Variants in CTDSPL observed in about 807,000 individuals in gnomAD.
The protein encoded by CTDSPL is CTD small phosphatase like.
In CTDSPL, 8 loss-of-function variants were observed where a neutral mutation model predicts 30.5. The ratio of observed to expected loss-of-function variants is 0.26; its 90% CI spans 0.15 to 0.47. The LOEUF is 0.47. CTDSPL is among the 20% of genes least tolerant of loss of function. The pLI is 0.99. For missense variants in CTDSPL, 248 were observed against 366.1 expected (o/e 0.68, Z 2.63); for synonymous variants, 110 against 137.9 (o/e 0.80, Z 1.42).
Position 37,957,151 on chromosome 3 carries a change from T to C in CTDSPL, c.267+8T>C, listed in dbSNP as rs1699184219. ...GTCATTCCCATACCAAGTGTATGTA[T>C]ATTTATCTAATTTTATTTATTAAAA... On this transcript the variant is annotated splice_region_variant and intron_variant, in intron 3 of 7. Coordinates refer to ENST00000273179, the MANE Select transcript of CTDSPL (RefSeq NM_001008392.2). 1.9e-6 allele frequency: 3 copies of C among 1,564,718 alleles called. No homozygotes were observed. The highest frequency in any genetic ancestry group is 2.3e-5 in the East Asian group (1 of 44,426).
chr3:37,900,026 A>C (rs76380664), intron 1 of CTDSPL, among the ~76,000 whole-genome samples: 1,841 of 152,314 alleles, frequency 0.012, 41 homozygotes, highest in African/African-American at 0.041. Context: ...TGAGACTCTG[A>C]GAGGTTAAAC....
At chr3:37,869,317 A>G (rs1160399220) in intron 1 of CTDSPL, among the ~76,000 whole-genome samples, 1 of 152,128 alleles carries the variant, frequency 6.6e-6, no homozygotes, top group Non-Finnish European at 1.5e-5. Context: ...ATTTAAAACT[A>G]TATAGTATTG....
Position 37,881,524 on chromosome 3 carries a change from G to A in CTDSPL, c.79+19246G>A, listed in dbSNP as rs377612471. 2.0e-4 allele frequency among the ~76,000 whole-genome samples: 30 copies of A among 152,140 alleles called. 1 individual carries two copies. In the South Asian group the frequency reaches 2.1e-3, roughly 11 times the overall value. ...AGCCTGGATGACAGTGCGAGACTCC[G>A]TCTCAAAAAAATAAAAATAAAAATC... On this transcript the variant is annotated intron_variant, in intron 1 of 7. Coordinates refer to ENST00000273179, the MANE Select transcript of CTDSPL (RefSeq NM_001008392.2).
chr3:37,973,264 C>T (rs1699387175), intron 6 of CTDSPL, among the ~76,000 whole-genome samples: 2 of 152,200 alleles, frequency 1.3e-5, no homozygotes, highest in South Asian at 4.1e-4. Flanking sequence ...TCCAACAGTG[C>T]TCTGGGATGC....
At chr3:37,934,378 G>A (rs539482591) in intron 1 of CTDSPL, among the ~76,000 whole-genome samples, 1 of 151,932 alleles carries the variant, frequency 6.6e-6, no homozygotes, top group South Asian at 2.1e-4. Flanking sequence ...GATATCTCAT[G>A]ATATGTGAAA....
At chr3:37,874,708 G>T (rs996882537) in intron 1 of CTDSPL, among the ~76,000 whole-genome samples, 3 of 151,994 alleles carry the variant, frequency 2.0e-5, no homozygotes, top group African/African-American at 7.2e-5. Context: ...CTAGCCTGGC[G>T]ACAGAGCGAG....
intron 1 of CTDSPL, among the ~76,000 whole-genome samples, chr3:37,880,103 G>A (rs1389564845): frequency 6.7e-6 from 1 of 148,332 alleles, no homozygotes; most frequent in Non-Finnish European, 1.5e-5. Flanking sequence ...TGACTACAGT[G>A]TACCAAGTAA....
At chr3:37,937,038 A>G (rs1402499794) in intron 1 of CTDSPL, among the ~76,000 whole-genome samples, 1 of 143,116 alleles carries the variant, frequency 7.0e-6, no homozygotes, top group Non-Finnish European at 1.6e-5. Flanking sequence ...TAGTTAAAGC[A>G]GCAAAAGCAG....
chr3:37,947,940 A>G (rs1246182031), intron 2 of CTDSPL, among the ~76,000 whole-genome samples: 2 of 152,276 alleles, frequency 1.3e-5, no homozygotes, highest in Non-Finnish European at 2.9e-5. Context: ...ACCAAAATCT[A>G]CCCACATGCT....
chr3:37,977,208 C>CA (rs1383234432), intron 7 of CTDSPL, among the ~76,000 whole-genome samples: 6 of 152,180 alleles, frequency 3.9e-5, no homozygotes, highest in Non-Finnish European at 1.5e-5. Flanking sequence ...AATCACAAGT[C>CA]ACGGTCAGAT....
intron 1 of CTDSPL, among the ~76,000 whole-genome samples, chr3:37,885,769 G>A (rs1177548371): frequency 6.6e-6 from 1 of 151,610 alleles, no homozygotes; most frequent in African/African-American, 2.4e-5. Context: ...AGGTTCTGAA[G>A]AGAGACAGAC....
chr3:37,924,172 A>G (rs1308412238), intron 1 of CTDSPL, among the ~76,000 whole-genome samples: 2 of 152,248 alleles, frequency 1.3e-5, no homozygotes. Flanking sequence ...GTTTATGATG[A>G]TTCAAACTAA....
At chr3:37,971,042 A>G (rs1481793622) in intron 5 of CTDSPL, among the ~76,000 whole-genome samples, 1 of 152,238 alleles carries the variant, frequency 6.6e-6, no homozygotes, top group Non-Finnish European at 1.5e-5. Flanking sequence ...GTGCCCACAC[A>G]GGTCCTGACC....
intron 5 of CTDSPL, chr3:37,968,495 T>G (rs1282319887): frequency 4.1e-6 from 1 of 245,000 alleles, no homozygotes; most frequent in African/African-American, 2.3e-5. Context: ...CGGAAATAAC[T>G]TCATTTATGA....
At chr3:37,971,349 C>A in intron 5 of CTDSPL, 58 bp from the exon 6 acceptor site, 2 of 1,517,560 alleles carry the variant, frequency 1.3e-6, no homozygotes, top group Admixed American at 3.6e-5. Flanking sequence ...CATTTGGGCC[C>A]CAGGCCATCC....
At chr3:37,928,845 A>C (rs1219867135) in intron 1 of CTDSPL, among the ~76,000 whole-genome samples, 1 of 152,192 alleles carries the variant, frequency 6.6e-6, no homozygotes, top group Non-Finnish European at 1.5e-5. Context: ...TATCCAAGAA[A>C]TCATTGCTAA....
intron 2 of CTDSPL, among the ~76,000 whole-genome samples, chr3:37,953,254 C>A (rs9825650): frequency 0.024 from 3,640 of 152,260 alleles, 142 homozygotes; most frequent in African/African-American, 0.082. Context: ...GACAGTATAA[C>A]CATCTTATCC....
At chr3:37,955,887 G>A (rs1222113933) in intron 2 of CTDSPL, among the ~76,000 whole-genome samples, 1 of 152,068 alleles carries the variant, frequency 6.6e-6, no homozygotes, top group Non-Finnish European at 1.5e-5. Flanking sequence ...ATGTCTGTAG[G>A]GGCAGTGACC....
At chr3:37,884,809 T>C (rs898234034) in intron 1 of CTDSPL, among the ~76,000 whole-genome samples, 2 of 151,478 alleles carry the variant, frequency 1.3e-5, no homozygotes, top group Non-Finnish European at 2.9e-5. Context: ...AGAGTGTTCA[T>C]AAGCCACGGC....
Sources: allele counts gnomAD v4.1 joint callset (sites outside exome capture counted in the v4.1 genomes callset), GRCh38; gene constraint gnomAD v4.1.1; transcripts MANE v1.5; gene names NCBI Gene and HGNC (gene_info 2026-07-23, HGNC 2026-07-21).